Variants in PTPRD observed in about 807,000 individuals in gnomAD.
PTPRD encodes the protein receptor-type tyrosine-protein phosphatase delta.
Under a neutral mutation model 214.5 loss-of-function variants are expected in PTPRD, and 34 were observed. That is an observed-to-expected ratio of 0.16 (90% CI 0.12 to 0.21). The LOEUF is 0.21. PTPRD is among the 10% of genes least tolerant of loss of function. The pLI, the probability that PTPRD is intolerant of heterozygous loss-of-function variation, is 1.00. For synonymous variants in PTPRD, 1,128 were observed against 845.7 expected, an observed-to-expected ratio of 1.33 and a Z score of -5.79; for missense variants, 2,545 against 2,398.7, an observed-to-expected ratio of 1.06 and a Z score of -1.27.
intron 10 of PTPRD, among the ~76,000 whole-genome samples, chr9:9,049,957 T>C (rs1021633937): frequency 1.3e-5 from 2 of 152,186 alleles, no homozygotes; most frequent in Admixed American, 6.5e-5. Flanking sequence ...CCCATTTTGA[T>C]CTATGAGGTA....
intron 10 of PTPRD, among the ~76,000 whole-genome samples, chr9:9,029,929 C>A (rs753238265): frequency 5.3e-5 from 8 of 151,822 alleles, no homozygotes; most frequent in Non-Finnish European, 1.0e-4. Context: ...GGTGACAGCA[C>A]GATTTCAGGT....
chr9:8,984,047 G>C lies in PTPRD; in HGVS notation c.-104+34650C>G, dbSNP rs1198149907. 5.3e-5 allele frequency among the ~76,000 whole-genome samples: 8 copies of C among 151,958 alleles called. No individual in the cohort carries two copies. In the South Asian group the frequency reaches 1.5e-3, roughly 28 times the overall value. ...ATTTCTATACTATAACGTATATTTA[G>C]TATGTGTGTTTTCTACTTAATATAG... On this transcript the variant is annotated intron_variant, in intron 11 of 45. Coordinates refer to ENST00000381196, the MANE Select transcript of PTPRD (RefSeq NM_002839.4).
chr9:9,925,356 GTTT>G (rs924634100), intron 5 of PTPRD, among the ~76,000 whole-genome samples: 62 of 151,994 alleles, frequency 4.1e-4, no homozygotes, highest in Admixed American at 4.1e-3. Context: ...TCAAAGTTGA[GTTT>G]TTAAGGTAAT....
chr9:8,449,658 A>G, intron 34 of PTPRD, 67 bp downstream of exon 34: 2 of 1,391,320 alleles, frequency 1.4e-6, no homozygotes, highest in Non-Finnish European at 2.0e-6. Context: ...TTCAACTCTT[A>G]ATATCAATTG....
chr9:9,520,363 T>C (rs1447314735), intron 8 of PTPRD, among the ~76,000 whole-genome samples: 1 of 150,614 alleles, frequency 6.6e-6, no homozygotes, highest in Non-Finnish European at 1.5e-5. Context: ...CATGCATGAA[T>C]ACTATGACAG....
intron 6 of PTPRD, among the ~76,000 whole-genome samples, chr9:9,755,420 T>C (rs769692299): frequency 6.6e-6 from 1 of 151,974 alleles, no homozygotes; most frequent in Non-Finnish European, 1.5e-5. Context: ...GGTTTAAGGG[T>C]AGATTGTATT....
intron 3 of PTPRD, among the ~76,000 whole-genome samples, chr9:10,129,842 T>C (rs186071141): frequency 1.3e-5 from 2 of 152,244 alleles, no homozygotes; most frequent in East Asian, 3.9e-4. Flanking sequence ...TTATTATCTC[T>C]AGCTTAAAAC....
chr9:9,245,997 G>A (rs1284990336), intron 9 of PTPRD, among the ~76,000 whole-genome samples: 1 of 151,916 alleles, frequency 6.6e-6, no homozygotes, highest in African/African-American at 2.4e-5. Flanking sequence ...GATCCTATGT[G>A]GCTGATCACT....
intron 9 of PTPRD, among the ~76,000 whole-genome samples, chr9:9,187,040 A>T (rs1211978639): frequency 6.6e-6 from 1 of 151,934 alleles, no homozygotes; most frequent in Non-Finnish European, 1.5e-5. Context: ...AAGGTATTTC[A>T]ACAGAAACAC....
At chr9:9,242,422 T>C (rs913761680) in intron 9 of PTPRD, among the ~76,000 whole-genome samples, 1 of 152,198 alleles carries the variant, frequency 6.6e-6, no homozygotes, top group Non-Finnish European at 1.5e-5. Flanking sequence ...TTCTCCTGGA[T>C]AATATCCTGC....
intron 2 of PTPRD, among the ~76,000 whole-genome samples, chr9:10,571,546 C>G (rs2067442135): frequency 6.6e-6 from 1 of 152,112 alleles, no homozygotes; most frequent in South Asian, 2.1e-4. Flanking sequence ...GACCTTGGAA[C>G]TGTATTGTTT....
chr9:9,075,826 T>C (rs954349820), intron 10 of PTPRD, among the ~76,000 whole-genome samples: 4 of 152,236 alleles, frequency 2.6e-5, no homozygotes, highest in Non-Finnish European at 5.9e-5. Context: ...GAAATTTGGC[T>C]TCTTTCCAAG....
At chr9:9,621,641 C>A (rs1390404996) in intron 7 of PTPRD, among the ~76,000 whole-genome samples, 1 of 152,150 alleles carries the variant, frequency 6.6e-6, no homozygotes, top group Non-Finnish European at 1.5e-5. Flanking sequence ...TTCCTTAAGA[C>A]ATTTTTAAAC....
chr9:9,090,459 A>G (rs2099773927), intron 10 of PTPRD, among the ~76,000 whole-genome samples: 1 of 152,202 alleles, frequency 6.6e-6, no homozygotes, highest in Non-Finnish European at 1.5e-5. Context: ...TAATCAGAAC[A>G]TCATTCTGAG....
intron 5 of PTPRD, among the ~76,000 whole-genome samples, chr9:9,770,101 T>C (rs191576688): frequency 7.2e-4 from 109 of 152,328 alleles, no homozygotes; most frequent in South Asian, 7.0e-3. Flanking sequence ...TAGAATAATT[T>C]ATAATCCTTG....
chr9:9,895,988 T>C (rs1336152761), intron 5 of PTPRD, among the ~76,000 whole-genome samples: 15 of 152,070 alleles, frequency 9.9e-5, no homozygotes, highest in Non-Finnish European at 1.9e-4. Flanking sequence ...GATGGGTAGC[T>C]AAAGGGTCCG....
chr9:8,331,249 T>C (rs1012272377), intron 44 of PTPRD, among the ~76,000 whole-genome samples: 5 of 152,052 alleles, frequency 3.3e-5, no homozygotes, highest in African/African-American at 9.7e-5. Flanking sequence ...TGCATTGCTA[T>C]GAAAGCAAAA....
intron 5 of PTPRD, among the ~76,000 whole-genome samples, chr9:9,791,464 A>G (rs1410635269): frequency 2.0e-5 from 3 of 152,136 alleles, no homozygotes; most frequent in Non-Finnish European, 4.4e-5. Context: ...GGTTATTTCA[A>G]TATCAGGGCT....
At chr9:9,778,220 A>G (rs975426896) in intron 5 of PTPRD, among the ~76,000 whole-genome samples, 10 of 152,190 alleles carry the variant, frequency 6.6e-5, no homozygotes, top group Non-Finnish European at 1.5e-4. Flanking sequence ...GCATAAGGGA[A>G]TGCTAGGGCT....
Sources: gnomAD v4.1 joint callset for allele counts (sites outside exome capture counted in the v4.1 genomes callset) on GRCh38, gnomAD v4.1.1 for gene constraint, MANE v1.5 for transcripts, NCBI Gene and HGNC (gene_info 2026-07-23, HGNC 2026-07-21) for gene names.